The following ZC4H2 variants were observed in gnomAD, a reference collection of about 807,000 sequenced individuals.
ZC4H2 encodes the protein zinc finger C4H2-type containing.
For missense variants in ZC4H2, 137 were observed against 173.9 expected (o/e 0.79, Z 1.19); for synonymous variants, 84 against 66.3 (o/e 1.27, Z -1.30).
intron 1 of ZC4H2, among the ~76,000 whole-genome samples, chrX:64,955,968 T>C (rs945557293): frequency 4.5e-5 from 5 of 111,802 alleles, no homozygotes; most frequent in African/African-American, 1.6e-4. Context: ...GCCTTTACTC[T>C]TCTAGAGGAC....
intron 1 of ZC4H2, among the ~76,000 whole-genome samples, chrX:65,006,225 T>C (rs1442325150): frequency 2.7e-5 from 3 of 111,533 alleles, no homozygotes; most frequent in Non-Finnish European, 3.8e-5. Flanking sequence ...ACCCAAAGCA[T>C]TATAAATCAT....
chrX:64,954,626 G>A (rs1931080419), intron 1 of ZC4H2, among the ~76,000 whole-genome samples: 1 of 106,186 alleles, frequency 9.4e-6, no homozygotes, highest in African/African-American at 3.5e-5. Flanking sequence ...AGAATATGGT[G>A]TCTTTTAGGA....
At chrX:64,951,096 G>T (rs1175500371) in intron 1 of ZC4H2, among the ~76,000 whole-genome samples, 5 of 111,325 alleles carry the variant, frequency 4.5e-5, no homozygotes, top group Non-Finnish European at 9.4e-5. Context: ...TGAGAATGAT[G>T]ATTTCCAATT....
chrX:64,966,740 GA>G (rs898577659), intron 1 of ZC4H2, among the ~76,000 whole-genome samples: 8 of 111,689 alleles, frequency 7.2e-5, no homozygotes, highest in African/African-American at 2.6e-4. Context: ...GCAGCATCAA[GA>G]AAAAGCCACT....
chrX:65,023,509 C>G (rs1932852512), intron 1 of ZC4H2, among the ~76,000 whole-genome samples: 2 of 111,740 alleles, frequency 1.8e-5, no homozygotes, highest in Non-Finnish European at 3.8e-5. Context: ...TAAAAAAAAG[C>G]TCATCATCAC....
chrX:64,967,834 G>A (rs1931643925), intron 1 of ZC4H2, among the ~76,000 whole-genome samples: 1 of 112,083 alleles, frequency 8.9e-6, no homozygotes, highest in Non-Finnish European at 1.9e-5. Context: ...ATATACACGA[G>A]GGCTTTCTAG....
intron 1 of ZC4H2, among the ~76,000 whole-genome samples, chrX:64,938,707 T>C (rs1930131225): frequency 1.8e-5 from 2 of 112,024 alleles, no homozygotes; most frequent in Admixed American, 1.9e-4. Context: ...TCTCACTAGA[T>C]GCAGAAAAGG....
At chrX:64,992,273 G>A (rs750424563) in intron 1 of ZC4H2, among the ~76,000 whole-genome samples, 2 of 111,379 alleles carry the variant, frequency 1.8e-5, no homozygotes, top group South Asian at 3.8e-4. Flanking sequence ...CAGAGCAAAT[G>A]AGCATTCTTG....
chrX:65,033,191 C>T (rs985766707), intron 1 of ZC4H2, among the ~76,000 whole-genome samples: 10 of 112,182 alleles, frequency 8.9e-5, no homozygotes, highest in Non-Finnish European at 1.9e-4. Context: ...AAACATCCAG[C>T]AGGGCACATT....
At chrX:64,986,564 T>C (rs144229007) in intron 1 of ZC4H2, among the ~76,000 whole-genome samples, 1 of 111,238 alleles carries the variant, frequency 9.0e-6, no homozygotes, top group Non-Finnish European at 1.9e-5. Context: ...TCCCAAGAGG[T>C]AGGAGATGCA....
upstream of ZC4H2, among the ~76,000 whole-genome samples, chrX:64,977,070 G>C (rs1164667113): frequency 8.9e-6 from 1 of 111,789 alleles, no homozygotes; most frequent in Non-Finnish European, 1.9e-5. Context: ...AATGGAAGAA[G>C]TACTGTAGGA....
At chrX:65,000,721 C>A (rs972801239) in intron 1 of ZC4H2, among the ~76,000 whole-genome samples, 2 of 111,934 alleles carry the variant, frequency 1.8e-5, no homozygotes, top group Non-Finnish European at 3.8e-5. Flanking sequence ...ACTAGAATAA[C>A]CAGTTTAGAG....
At chrX:64,954,047 T>C (rs928036897) in intron 1 of ZC4H2, among the ~76,000 whole-genome samples, 5 of 107,357 alleles carry the variant, frequency 4.7e-5, no homozygotes, top group Non-Finnish European at 7.6e-5. Flanking sequence ...AAACCATCAT[T>C]CTCAGCAAAC....
chrX:64,936,451 A>T (rs773756585), intron 1 of ZC4H2, among the ~76,000 whole-genome samples: 4 of 111,073 alleles, frequency 3.6e-5, no homozygotes, highest in Admixed American at 9.6e-5. Flanking sequence ...TGAGAAGAGC[A>T]ACCCCAAGAC....
At chrX:64,918,918 A>T in intron 4 of ZC4H2, 124 bp downstream of exon 4, 1 of 908,149 alleles carries the variant, frequency 1.1e-6, no homozygotes, top group South Asian at 3.2e-5. Flanking sequence ...CCACTGTGTC[A>T]CAAGCAAAGG....
At chrX:64,971,509 G>C (rs1931779647) in intron 1 of ZC4H2, among the ~76,000 whole-genome samples, 1 of 112,105 alleles carries the variant, frequency 8.9e-6, no homozygotes, top group South Asian at 3.7e-4. Flanking sequence ...TTGACTTTCA[G>C]ATTGCCATCT....
At chrX:64,965,331 C>A in intron 1 of ZC4H2, 1 of 202,013 alleles carries the variant, frequency 5.0e-6, no homozygotes, top group Non-Finnish European at 9.3e-6. Flanking sequence ...TAAAGATACA[C>A]AAATAAAGCA....
In ZC4H2 at chrX:65,000,963, G is replaced by A. The variant is rs1042609609; in HGVS notation, c.-272+33666C>T. On this transcript the variant is annotated intron_variant, in intron 1 of 4. Transcript: ENST00000337990. ...AAAAGACCAAACTTATATTTGATTG[G>A]TGTACCTGAAAGTGATGGGGAAAAT... Among the ~76,000 whole-genome samples the A allele has an allele frequency of 5.4e-5, 6 of 111,558 alleles. No individual in the cohort carries two copies. The East Asian group carries it at 1.7e-3, about 31-fold the overall frequency.
intron 1 of ZC4H2, among the ~76,000 whole-genome samples, chrX:64,961,566 G>T (rs1174888973): frequency 9.0e-6 from 1 of 111,027 alleles, no homozygotes; most frequent in African/African-American, 3.3e-5. Flanking sequence ...GGTCAGTTTT[G>T]AAGGAAATAA....
Sources: allele counts gnomAD v4.1 joint callset (sites outside exome capture counted in the v4.1 genomes callset), GRCh38; gene constraint gnomAD v4.1.1; transcripts MANE v1.5; gene names NCBI Gene and HGNC (gene_info 2026-07-23, HGNC 2026-07-21).